The following DPP6 variants were observed in gnomAD, a reference collection of about 807,000 sequenced individuals.
DPP6 encodes A-type potassium channel modulatory protein DPP6.
Under a neutral mutation model 122.6 loss-of-function variants are expected in DPP6, and 69 were observed. The ratio of observed to expected loss-of-function variants is 0.56; its 90% confidence interval spans 0.46 to 0.69. The LOEUF is 0.69. Ranked by LOEUF, DPP6 falls within the 30% of genes least tolerant of loss-of-function variation. The pLI is 0.00. For missense variants in DPP6, 928 were observed against 1,116.9 expected (o/e 0.83, Z 2.41); for synonymous variants, 418 against 433.1 (o/e 0.97, Z 0.43).
chr7:154,044,469 T>C (rs910978067), intron 1 of DPP6, among the ~76,000 whole-genome samples: 1 of 152,204 alleles, frequency 6.6e-6, no homozygotes, highest in Non-Finnish European at 1.5e-5. Flanking sequence ...GGGGTATTTC[T>C]TTTTCCAGGT....
chr7:154,697,832 C>T (rs1563115694), intron 7 of DPP6, among the ~76,000 whole-genome samples: 1 of 152,170 alleles, frequency 6.6e-6, no homozygotes, highest in Non-Finnish European at 1.5e-5. Flanking sequence ...TGTCTGTACA[C>T]TCAGTGTACA....
At chr7:153,830,811 G>A in the DPP6 span, among the ~76,000 whole-genome samples, 1 of 152,188 alleles carries the variant, frequency 6.6e-6, no homozygotes, top group Admixed American at 6.5e-5. Context: ...CACACATTTT[G>A]TCTGAAGAGC....
intron 7 of DPP6, among the ~76,000 whole-genome samples, chr7:154,670,333 C>T (rs527540421): frequency 2.6e-5 from 4 of 152,310 alleles, no homozygotes; most frequent in Admixed American, 6.5e-5. Flanking sequence ...ATGGGAAGGA[C>T]AGTGCAGAGA....
At chr7:154,169,004 G>A (rs1423134611) in intron 1 of DPP6, among the ~76,000 whole-genome samples, 1 of 152,216 alleles carries the variant, frequency 6.6e-6, no homozygotes, top group African/African-American at 2.4e-5. Flanking sequence ...AAGCAAAGCT[G>A]TGGAGTGGCA....
At chr7:153,842,961 C>T in the DPP6 span, among the ~76,000 whole-genome samples, 1 of 152,210 alleles carries the variant, frequency 6.6e-6, no homozygotes, top group Non-Finnish European at 1.5e-5. Flanking sequence ...GATGCCCCCA[C>T]TCACCCACCT....
rs1364100441 is a variant in DPP6, at chr7:153,949,743, T to G, written c.51+62009T>G. ...AAGAACCGAGTTTACTGTGTGTAAC[T>G]GCAAGGGGCAAAGAGACATTGGTGA... On this transcript the variant is annotated intron_variant, in intron 1 of 25. Transcript: ENST00000404039. Among the ~76,000 whole-genome samples the G allele has an allele frequency of 2.0e-5, 3 of 152,242 alleles. No individual in the cohort carries two copies. The East Asian group carries it at 5.8e-4, about 29-fold the overall frequency.
chr7:154,193,856 C>T (rs900922335), intron 1 of DPP6, among the ~76,000 whole-genome samples: 2 of 152,030 alleles, frequency 1.3e-5, no homozygotes, highest in African/African-American at 4.8e-5. Flanking sequence ...TCCCAGCATC[C>T]TTGCACACCC....
chr7:154,600,869 A>G (rs1163267723), intron 5 of DPP6, among the ~76,000 whole-genome samples: 1 of 120,472 alleles, frequency 8.3e-6, no homozygotes, highest in African/African-American at 2.6e-5. Flanking sequence ...AGGCAGGTGG[A>G]TCACCTGAGG....
chr7:154,249,470 C>T (rs781348416), intron 1 of DPP6, among the ~76,000 whole-genome samples: 7 of 152,248 alleles, frequency 4.6e-5, no homozygotes, highest in East Asian at 1.9e-4. Context: ...TGCAAACATC[C>T]GGTGTTCTGC....
intron 1 of DPP6, among the ~76,000 whole-genome samples, chr7:154,344,191 C>T (rs1810190527): frequency 6.6e-6 from 1 of 152,194 alleles, no homozygotes; most frequent in Admixed American, 6.5e-5. Flanking sequence ...TCCACACCCA[C>T]AATTGTCTGT....
chr7:154,205,507 T>C (rs969497289), intron 1 of DPP6, among the ~76,000 whole-genome samples: 1 of 152,238 alleles, frequency 6.6e-6, no homozygotes, highest in African/African-American at 2.4e-5. Context: ...TACACTGATA[T>C]GGTTTCAATC....
At chr7:153,822,250 T>C in the DPP6 span, among the ~76,000 whole-genome samples, 1 of 142,756 alleles carries the variant, frequency 7.0e-6, no homozygotes, top group South Asian at 2.3e-4. Context: ...AGTGCAGTGG[T>C]GCCATCTCAG....
chr7:154,875,984 C>G lies in DPP6; in HGVS notation c.1962C>G (p.Gly654=), dbSNP rs924792880. ...SWETVMVSSH[G]AVVVKCDGRG... ...AGACGGTGATGGTGAGCAGCCACGG[C>G]GCGGTGGTGGTAAAGTGTGACGGCC... is the stretch of plus-strand genomic sequence containing the variant. The change falls in exon 20 of 26, where the codon GGC becomes GGG. Residue 654 remains glycine (G), a synonymous_variant. Transcript: ENST00000377770. This position sits in a 1 kb window ranked among gnomAD's most constrained non-coding sequence, Gnocchi z 4.5. 1 of 1,613,472 alleles carries G rather than the reference C, an allele frequency of 6.2e-7. No individual in the cohort carries two copies. The highest frequency in any genetic ancestry group is 1.1e-5 in the South Asian group (1 of 91,012).
At chr7:153,825,838 G>C in the DPP6 span, among the ~76,000 whole-genome samples, 1 of 152,148 alleles carries the variant, frequency 6.6e-6, no homozygotes. Context: ...TGGGATTACA[G>C]GCAGGAGCCA....
At chr7:154,351,909 G>A (rs1810890585) in intron 1 of DPP6, among the ~76,000 whole-genome samples, 1 of 152,052 alleles carries the variant, frequency 6.6e-6, no homozygotes. Context: ...CCCTGGTCTG[G>A]GGCATCTGCT....
intron 1 of DPP6, among the ~76,000 whole-genome samples, chr7:154,007,422 C>T (rs1797957757): frequency 6.6e-6 from 1 of 152,116 alleles, no homozygotes; most frequent in South Asian, 2.1e-4. Flanking sequence ...AGAAGCTGCT[C>T]TGCTTGGTCA....
intron 23 of DPP6, 129 bp downstream of exon 23, chr7:154,887,863 G>A: frequency 9.1e-7 from 1 of 1,095,202 alleles, no homozygotes; most frequent in Non-Finnish European, 1.4e-6. Context: ...CAGCACCAAA[G>A]CCCACTCAGA....
At chr7:154,159,920 G>A (rs1796893149) in intron 1 of DPP6, among the ~76,000 whole-genome samples, 1 of 152,094 alleles carries the variant, frequency 6.6e-6, no homozygotes, top group African/African-American at 2.4e-5. Context: ...CCCAGCCTGG[G>A]CAACATAGGG....
At chr7:154,166,452 C>G (rs62487229) in intron 1 of DPP6, among the ~76,000 whole-genome samples, 1 of 151,936 alleles carries the variant, frequency 6.6e-6, no homozygotes, top group Non-Finnish European at 1.5e-5. Context: ...AGGATGAAAC[C>G]GACAAAGACG....
Sources: allele counts gnomAD v4.1 joint callset (sites outside exome capture counted in the v4.1 genomes callset), GRCh38; gene constraint gnomAD v4.1.1; non-coding constraint Gnocchi (gnomAD v3.1); transcripts MANE v1.5; gene names NCBI Gene and HGNC (gene_info 2026-07-23, HGNC 2026-07-21).